The following EP400 variants were observed in gnomAD, a reference collection of about 807,000 sequenced individuals.
The protein encoded by EP400 is E1A-binding protein p400.
EP400 carries 105 observed loss-of-function variants against 354.1 expected under a neutral mutation model. The observed-to-expected ratio is 0.30, with a 90% CI of 0.25 to 0.35. The LOEUF is 0.35. Among genes scored for constraint, EP400 ranks in the 10% least tolerant of loss-of-function variants. The probability of loss-of-function intolerance (pLI) is 1.00; values close to 1 mark genes in which losing one functional copy is unlikely to be tolerated. For missense variants in EP400, 3,280 were observed against 4,121.0 expected (o/e 0.80, Z 5.59); for synonymous variants, 1,646 against 1,716.9 (o/e 0.96, Z 1.02).
chr12:132,013,511 C>A lies in EP400; in HGVS notation c.3633C>A (p.Ile1211=). Residue 1211 remains isoleucine (I), a synonymous_variant, in exon 18 of 53, where the codon ATC becomes ATA. Coordinates refer to ENST00000389561, the MANE Select transcript of EP400 (RefSeq NM_015409.5). The surrounding 1 kb of genome is among the most constrained non-coding windows in gnomAD (Gnocchi z 4.5). ...TLQSQQRLLL[I]DSPLHNTFLE... ...GCAGCCAACAACGTCTGCTTCTGAT[C>A]GACTCGCCGCTGCACAATACCTTCC... The A allele has an allele frequency of 1.3e-6, 2 of 1,577,328 alleles. No individual in the cohort carries two copies. Among genetic ancestry groups the A allele is most frequent in the South Asian group, 1.2e-5 (1 of 85,952 alleles).
chr12:132,055,159 A>G lies in EP400; in HGVS notation c.7835A>G (p.Gln2612Arg). 1 of 1,601,882 alleles carries G rather than the reference A, an allele frequency of 6.2e-7. No individual in the cohort carries two copies. The highest frequency in any genetic ancestry group is 8.5e-7 in the Non-Finnish European group (1 of 1,173,790). ...TIAGVPAATF[Q>R]SINKRLASPV... Reference sequence around the variant, plus strand: ...GCAGGGGTCCCAGCTGCCACCTTCCAGTCCATCAACAAGCGCCTGGCGTCG... The same window carrying G: ...GCAGGGGTCCCAGCTGCCACCTTCCGGTCCATCAACAAGCGCCTGGCGTCG... Residue 2612 changes from glutamine (Q) to arginine (R), a missense_variant, in exon 45 of 53, where the codon CAG becomes CGG. Physicochemically the swap from Gln to Arg is conservative, Grantham distance 43. Coordinates refer to ENST00000389561, the MANE Select transcript of EP400 (RefSeq NM_015409.5).
In EP400 at chr12:132,020,854, C is replaced by T. The variant is rs183141186; in HGVS notation, c.4448-225C>T. ...TTTCTGTTTACTCTGAGAAATGTAC[C>T]GCGTAGCGTACTGTAGCTCGAAGTG... On this transcript the variant is annotated intron_variant, in intron 22 of 52. Coordinates refer to ENST00000389561, the MANE Select transcript of EP400 (RefSeq NM_015409.5). Among the ~76,000 whole-genome samples, 11 of 152,246 alleles carry T rather than the reference C, an allele frequency of 7.2e-5. No individual in the cohort carries two copies. The East Asian group carries it at 1.9e-3, about 27-fold the overall frequency.
Position 132,032,008 on chromosome 12 carries a change from C to T in EP400, c.5810C>T (p.Thr1937Ile), listed in dbSNP as rs1894526065. ...CGGATTTTTTGTGCCATTCTCTCCA[C>T]TCACAGCCGTACCACAGGTATAAAC... ...DRRIFCAILS[T>I]HSRTTGINLV... The change falls in exon 30 of 53, where the codon ACT (threonine) becomes ATT (isoleucine). Residue 1937 changes from threonine (T) to isoleucine (I), a missense_variant. Around this residue, in one of 20 missense-constraint regions of EP400, gnomAD observed 459 missense variants for 496.9 expected, o/e 0.92. Transcript: ENST00000389561. 1 of 1,614,112 alleles carries T rather than the reference C, an allele frequency of 6.2e-7. No individual in the cohort carries two copies. The highest frequency in any genetic ancestry group is 8.5e-7 in the Non-Finnish European group (1 of 1,179,968).
chr12:132,036,503 G>C (rs1305810925), intron 30 of EP400, among the ~76,000 whole-genome samples: 2 of 152,264 alleles, frequency 1.3e-5, no homozygotes, highest in East Asian at 3.8e-4. Flanking sequence ...CACTGACGTG[G>C]CTGCTGGGGC....
chr12:132,076,271 A>G (rs1312219271), intron 51 of EP400: 1 of 590,846 alleles, frequency 1.7e-6, no homozygotes, highest in East Asian at 3.2e-5. Flanking sequence ...TGTCTGAAAT[A>G]TGAGACCAAA....
In EP400 at chr12:131,992,209, A is replaced by T; in HGVS notation, c.2716A>T (p.Ile906Leu). Residue 906 changes from isoleucine to leucine, a missense_variant, in exon 11 of 53, where the codon ATA (isoleucine) becomes TTA (leucine). By Grantham distance (5) the Ile-to-Leu change is conservative (BLOSUM62 2). Coordinates refer to ENST00000389561, the MANE Select transcript of EP400 (RefSeq NM_015409.5). ...GTCTGGAAGAAAAAGAAAAGCTAGC[A>T]TATCTTTGACTGATGACGAAGGTCT... ...GMSGRKRKAS[I>L]SLTDDEVDDE... The T allele has an allele frequency of 6.2e-7, 1 of 1,610,592 alleles. No individual in the cohort carries two copies. The highest frequency in any genetic ancestry group is 2.2e-5 in the East Asian group (1 of 44,890).
chr12:131,997,052 A>T (rs1294315659), intron 12 of EP400, among the ~76,000 whole-genome samples: 1 of 152,044 alleles, frequency 6.6e-6, no homozygotes, highest in East Asian at 1.9e-4. Flanking sequence ...ATGTTGTTTT[A>T]TTATAGCCAT....
chr12:132,062,583 AGC>A lies in EP400; in HGVS notation c.8217_8218del (p.Gln2740AlafsTer242), dbSNP rs1491293400. On this transcript the variant is annotated frameshift_variant, in exon 47 of 53. Coordinates refer to ENST00000389561, the MANE Select transcript of EP400 (RefSeq NM_015409.5). LOFTEE classifies it high-confidence loss of function. Reference sequence around the variant, plus strand: ...CAGCAGCAGCAGCAGCAGCAGCAGCAGCAGCAGCAACAGCAGCAGCAGCAACA... The same window carrying A: ...CAGCAGCAGCAGCAGCAGCAGCAGCAAGCAGCAACAGCAGCAGCAGCAACA... The A allele has an allele frequency of 5.2e-5, 84 of 1,601,166 alleles. No individual in the cohort carries two copies. Among genetic ancestry groups the A allele is most frequent in the Non-Finnish European group, 6.7e-5 (79 of 1,171,080 alleles).
rs186597622 is a variant in EP400, at chr12:131,956,535, C to T, written c.-35-4050C>T. Among the ~76,000 whole-genome samples, 8 of 152,140 alleles carry T rather than the reference C, an allele frequency of 5.3e-5. No individual in the cohort carries two copies. The East Asian group carries it at 1.4e-3, about 26-fold the overall frequency. On this transcript the variant is annotated intron_variant, in intron 1 of 52. Coordinates refer to ENST00000389561, the MANE Select transcript of EP400 (RefSeq NM_015409.5). Reference sequence around the variant, plus strand: ...TTTAGGTTGGTAGGTTAATTTCCTTCGGGTAGATTTCTAGAAGTAGGGTTA... The same window carrying T: ...TTTAGGTTGGTAGGTTAATTTCCTTTGGGTAGATTTCTAGAAGTAGGGTTA...
chr12:132,055,586 T>C (rs1166842688), intron 45 of EP400, among the ~76,000 whole-genome samples: 1 of 110,848 alleles, frequency 9.0e-6, no homozygotes, highest in South Asian at 3.1e-4. Context: ...GGTGTAGGGG[T>C]ATGTGTGGTA....
chr12:131,977,600 C>G (rs770280333), intron 2 of EP400, among the ~76,000 whole-genome samples: 184 of 152,044 alleles, frequency 1.2e-3, no homozygotes, highest in Non-Finnish European at 2.3e-3. Flanking sequence ...AACGCACACA[C>G]ACACAAATCA....
rs777113419 is a variant in EP400 at position 132,006,228 on chromosome 12, G to A, written c.3052G>A (p.Ala1018Thr). 44 of 1,614,086 alleles carry A rather than the reference G, an allele frequency of 2.7e-5. No homozygotes were observed. Among genetic ancestry groups the A allele is most frequent in the Middle Eastern group, 1.6e-4 (1 of 6,084 alleles). Residue 1018 changes from alanine (A) to threonine (T), a missense_variant, in exon 14 of 53, where the codon GCC becomes ACC. Ala to Thr is a moderately conservative substitution (Grantham distance 58, BLOSUM62 0). Transcript: ENST00000389561. ...AERMNIGKPN[A>T]KDIADVTAVA... ...GAGGATGAATATCGGGAAGCCAAAC[G>A]CCAAGGACATTGCGGACGTCACTGC... is the stretch of plus-strand genomic sequence containing the variant.
At chr12:131,964,106 G>A (rs756293309) in intron 2 of EP400, among the ~76,000 whole-genome samples, 2 of 152,150 alleles carry the variant, frequency 1.3e-5, no homozygotes, top group Non-Finnish European at 2.9e-5. Context: ...GCTTCTAAAC[G>A]GATATTAAGT....
intron 41 of EP400, 84 bp from the exon 42 acceptor site, chr12:132,053,062 G>C: frequency 6.9e-7 from 1 of 1,444,492 alleles, no homozygotes; most frequent in Non-Finnish European, 9.7e-7. Context: ...CCAGCACCTG[G>C]CAGCATGGTG....
At chr12:132,011,905 G>A (rs1396666559) in intron 16 of EP400, among the ~76,000 whole-genome samples, 1 of 152,172 alleles carries the variant, frequency 6.6e-6, no homozygotes, top group Non-Finnish European at 1.5e-5. Flanking sequence ...AGTTTGCTCC[G>A]AAAATGGTAT....
chr12:132,076,315 G>A (rs1454721884), intron 51 of EP400: 1 of 681,558 alleles, frequency 1.5e-6, no homozygotes, highest in Non-Finnish European at 2.7e-6. Flanking sequence ...GGCAAATTGG[G>A]GAGGCAGTCA....
At chr12:131,993,027 G>C (rs1312860716) in intron 11 of EP400, among the ~76,000 whole-genome samples, 1 of 152,210 alleles carries the variant, frequency 6.6e-6, no homozygotes, top group Non-Finnish European at 1.5e-5. Context: ...TGCTGCGTAT[G>C]ACAGAAACAA....
Position 132,062,261 on chromosome 12 carries a change from T to G in EP400, c.8036T>G (p.Val2679Gly), listed in dbSNP as rs746546914. Residue 2679 changes from valine to glycine, a missense_variant, in exon 46 of 53, where the codon GTC (valine) becomes GGC (glycine). By Grantham distance (109) the Val-to-Gly change is moderately radical. Coordinates refer to ENST00000389561, the MANE Select transcript of EP400 (RefSeq NM_015409.5). ...AVTSVTASAV[V>G]TTNLTPVQTP... The stretch of plus-strand genomic sequence containing the variant: ...ACTTCTGTGACAGCCTCGGCCGTGG[T>G]CACTACCAACCTGACCCCAGTGCAG... 4.3e-6 allele frequency: 7 copies of G among 1,614,122 alleles called. No homozygotes were observed. Among genetic ancestry groups the G allele is most frequent in the Middle Eastern group, 1.6e-4 (1 of 6,062 alleles).
At chr12:132,058,265 GT>G (rs768027810) in intron 45 of EP400, among the ~76,000 whole-genome samples, 4 of 151,418 alleles carry the variant, frequency 2.6e-5, no homozygotes, top group Non-Finnish European at 5.9e-5. Context: ...CCTTTAAAAA[GT>G]TTTTATTGAG....
Sources: gnomAD v4.1 joint callset for allele counts (sites outside exome capture counted in the v4.1 genomes callset) on GRCh38, gnomAD v4.1.1 for gene constraint, gnomAD v4.1.1 regional missense constraint, Gnocchi (gnomAD v3.1) non-coding constraint, MANE v1.5 for transcripts, NCBI Gene and HGNC (gene_info 2026-07-23, HGNC 2026-07-21) for gene names.